Variants in MCTP1 observed in about 807,000 individuals in gnomAD.
MCTP1 encodes multiple C2 and transmembrane domain containing 1, also known as multiple C2 and transmembrane domain-containing protein 1.
MCTP1 carries 69 observed loss-of-function variants against 120.6 expected under a neutral mutation model. The observed-to-expected ratio is 0.57, with a 90% CI of 0.47 to 0.70. The LOEUF is 0.70. MCTP1 is among the 30% of genes least tolerant of loss of function. The probability of loss-of-function intolerance (pLI) is 0.00; values close to 1 mark genes in which losing one functional copy is unlikely to be tolerated. For missense variants in MCTP1, 1,203 were observed against 1,248.8 expected (o/e 0.96, Z 0.55); for synonymous variants, 529 against 493.1 (o/e 1.07, Z -0.96).
intron 2 of MCTP1, among the ~76,000 whole-genome samples, chr5:95,001,953 G>A (rs1252195297): frequency 1.3e-5 from 2 of 152,132 alleles, no homozygotes; most frequent in South Asian, 4.1e-4. Context: ...ATTATTTCAT[G>A]GGCTGGACCC....
intron 17 of MCTP1, among the ~76,000 whole-genome samples, chr5:94,839,454 T>C (rs1311763971): frequency 1.3e-5 from 2 of 152,134 alleles, no homozygotes; most frequent in African/African-American, 2.4e-5. Context: ...CACAGCAGTT[T>C]GCTGAGGGTA....
rs1463571188 is a variant in MCTP1 at position 94,918,089 on chromosome 5, A to G, written c.1273-116T>C. The G allele has an allele frequency of 6.8e-6, 5 of 736,952 alleles. No homozygotes were observed. The East Asian group carries it at 1.4e-4, about 20-fold the overall frequency. 45.7% of individuals were successfully genotyped at this position (736,952 alleles called of 1,614,324 possible). On this transcript the variant is annotated intron_variant, in intron 7 of 22. Transcript: ENST00000515393. ...GAAAACATTATTTGAGAAAATTTGTATTTGCTTCTCAAGTCACTGTCAGAA... is the reference window on the plus strand; with the variant it reads ...GAAAACATTATTTGAGAAAATTTGTGTTTGCTTCTCAAGTCACTGTCAGAA...
intron 10 of MCTP1, among the ~76,000 whole-genome samples, chr5:94,902,076 A>G (rs535608224): frequency 2.0e-5 from 3 of 152,170 alleles, no homozygotes; most frequent in African/African-American, 7.2e-5. Context: ...CAGTTCATAC[A>G]TGCCCTATTA....
At chr5:94,723,092 A>C (rs1761281241) in intron 19 of MCTP1, among the ~76,000 whole-genome samples, 3 of 152,198 alleles carry the variant, frequency 2.0e-5, no homozygotes, top group South Asian at 4.1e-4. Flanking sequence ...TCAACCTGAA[A>C]TCTAGAATAC....
At chr5:94,859,041 A>G (rs1795239171) in intron 17 of MCTP1, among the ~76,000 whole-genome samples, 1 of 151,686 alleles carries the variant, frequency 6.6e-6, no homozygotes, top group African/African-American at 2.4e-5. Context: ...AGACCTCTAC[A>G]TTTTGTTTGG....
At chr5:94,975,473 G>C (rs1827892424) in intron 2 of MCTP1, among the ~76,000 whole-genome samples, 1 of 151,908 alleles carries the variant, frequency 6.6e-6, no homozygotes, top group South Asian at 2.1e-4. Context: ...CCAGGAGGCA[G>C]GTCCTCACCA....
At chr5:95,280,304 T>C (rs1246797581) in intron 1 of MCTP1, among the ~76,000 whole-genome samples, 1 of 152,244 alleles carries the variant, frequency 6.6e-6, no homozygotes, top group Non-Finnish European at 1.5e-5. Context: ...ATTTTCCTAC[T>C]TCTTTTCAAA....
In MCTP1 at chr5:95,203,099, C is replaced by T. The variant is rs1384330414; in HGVS notation, c.720+80757G>A. On this transcript the variant is annotated intron_variant, in intron 1 of 22. Transcript: ENST00000515393. ...TCTTTGATTATTTCCTCTGCTTCAC[C>T]ACTTCTATTCTCTGCTTTAGAATCT... Among the ~76,000 whole-genome samples, 9 of 152,166 alleles carry T rather than the reference C, an allele frequency of 5.9e-5. 1 individual carries two copies. Among genetic ancestry groups the T allele is most frequent in the Admixed American group, 5.9e-4 (9 of 15,268 alleles).
At chr5:95,082,434 A>G (rs1046097251) in intron 1 of MCTP1, among the ~76,000 whole-genome samples, 1 of 152,204 alleles carries the variant, frequency 6.6e-6, no homozygotes, top group African/African-American at 2.4e-5. Context: ...ATGCTTGGAG[A>G]AAAGTCTACT....
intron 19 of MCTP1, among the ~76,000 whole-genome samples, chr5:94,738,111 G>GTT (rs1318353200): frequency 6.6e-6 from 1 of 152,236 alleles, no homozygotes; most frequent in Non-Finnish European, 1.5e-5. Flanking sequence ...ACTTAAAACA[G>GTT]TATGTTCTGC....
rs146893558 is a variant in MCTP1 at position 95,021,319 on chromosome 5, A to G, written c.721-3835T>C. Among the ~76,000 whole-genome samples, 45 of 152,224 alleles carry G rather than the reference A, an allele frequency of 3.0e-4. 1 individual carries two copies. In the East Asian group the frequency reaches 8.5e-3, roughly 29 times the overall value. ...AAATAGTGCTTGGCACATAGTAAGC[A>G]CTCAATAAATGTTAGCTATTGTCAG... On this transcript the variant is annotated intron_variant, in intron 1 of 22. Coordinates refer to ENST00000515393, the MANE Select transcript of MCTP1 (RefSeq NM_024717.7).
intron 1 of MCTP1, among the ~76,000 whole-genome samples, chr5:95,226,504 G>A (rs1441668981): frequency 6.6e-6 from 1 of 152,040 alleles, no homozygotes; most frequent in Non-Finnish European, 1.5e-5. Flanking sequence ...CTTGGTAAGT[G>A]GCCACACATC....
At chr5:94,952,188 A>AAAAAAAAAAAAAAAAAAAAC (rs1820797647) in intron 3 of MCTP1, among the ~76,000 whole-genome samples, 1 of 142,972 alleles carries the variant, frequency 7.0e-6, no homozygotes. Context: ...AAAAAAAAAA[A>AAAAAAAAAAAAAAAAAAAAC]AAAAAGCTAT....
At chr5:94,905,268 G>A (rs1370608834) in intron 10 of MCTP1, among the ~76,000 whole-genome samples, 5 of 152,122 alleles carry the variant, frequency 3.3e-5, no homozygotes, top group Non-Finnish European at 7.3e-5. Context: ...GTTCATAGTA[G>A]ACAAGCAACA....
intron 16 of MCTP1, among the ~76,000 whole-genome samples, chr5:94,869,628 C>T (rs1282769358): frequency 6.6e-6 from 1 of 151,982 alleles, no homozygotes; most frequent in African/African-American, 2.4e-5. Context: ...TATATTTAGG[C>T]TTCTAATATT....
chr5:95,205,990 G>T (rs1172934878), intron 1 of MCTP1, among the ~76,000 whole-genome samples: 1 of 151,384 alleles, frequency 6.6e-6, no homozygotes, highest in African/African-American at 2.5e-5. Context: ...TCCTTGAAAA[G>T]CTAAACATAG....
chr5:94,787,503 T>TA (rs972803255), intron 18 of MCTP1, among the ~76,000 whole-genome samples: 11 of 150,690 alleles, frequency 7.3e-5, no homozygotes, highest in Admixed American at 4.6e-4. Flanking sequence ...CCACAGGACT[T>TA]ACAAGGGAAC....
intron 1 of MCTP1, among the ~76,000 whole-genome samples, chr5:95,117,408 A>C (rs1024947474): frequency 6.9e-4 from 105 of 151,408 alleles, no homozygotes; most frequent in Middle Eastern, 3.4e-3. Context: ...AAAAAAAAAA[A>C]AAAAAAAGCT....
intron 2 of MCTP1, among the ~76,000 whole-genome samples, chr5:94,982,546 T>C (rs1829633532): frequency 6.6e-6 from 1 of 151,976 alleles, no homozygotes; most frequent in Admixed American, 6.6e-5. Context: ...ATGTTACTTA[T>C]ATGGCAAAAG....
Sources: gnomAD v4.1 joint callset for allele counts (sites outside exome capture counted in the v4.1 genomes callset) on GRCh38, gnomAD v4.1.1 for gene constraint, MANE v1.5 for transcripts, NCBI Gene and HGNC (gene_info 2026-07-23, HGNC 2026-07-21) for gene names.